PPP1R26: variants seen among roughly 807,000 people sequenced by gnomAD.
The protein encoded by PPP1R26 is 1A6/DRIM (down-regulated in metastasis) interacting protein.
PPP1R26 carries 22 observed loss-of-function variants against 67.6 expected under a neutral mutation model. The observed-to-expected ratio is 0.33, with a 90% CI of 0.23 to 0.46. The LOEUF is 0.46. Among genes scored for constraint, PPP1R26 ranks in the 20% least tolerant of loss-of-function variants. The pLI is 1.00. For synonymous variants in PPP1R26, 729 were observed against 717.2 expected, an observed-to-expected ratio of 1.02 and a Z score of -0.26; for missense variants, 1,602 against 1,651.4, an observed-to-expected ratio of 0.97 and a Z score of 0.52.
intron 1 of PPP1R26, among the ~76,000 whole-genome samples, chr9:135,482,067 A>G (rs1439440714): frequency 1.3e-5 from 2 of 152,114 alleles, no homozygotes; most frequent in East Asian, 3.8e-4. Context: ...CCCCTCCCCG[A>G]CCTTGTCATC....
At chr9:135,481,622 T>G (rs1291828212) in intron 1 of PPP1R26, among the ~76,000 whole-genome samples, 1 of 151,768 alleles carries the variant, frequency 6.6e-6, no homozygotes, top group Admixed American at 6.6e-5. Context: ...CCCCTCGATT[T>G]TTTTTTTTCT....
rs555917961 is a variant in PPP1R26, at chr9:135,483,989, G to A, written c.-156G>A. ...GGTCAAGAATGAACCTACGCATGAC[G>A]GCGTGCTGATCCTGGGTTTCTAGTC... On this transcript the variant is annotated 5_prime_UTR_variant, in exon 3 of 4. Transcript: ENST00000356818. 10 of 400,714 alleles carry A rather than the reference G, an allele frequency of 2.5e-5. No individual in the cohort carries two copies. The highest frequency in any genetic ancestry group is 4.0e-5 in the Non-Finnish European group (9 of 227,586). 24.8% of individuals were successfully genotyped at this position (400,714 alleles called of 1,614,324 possible). A position where few individuals can be genotyped will look rare whatever the true frequency, so the allele number is the denominator to read the frequency against.
Position 135,485,749 on chromosome 9 carries a change from T to C in PPP1R26, c.1239T>C (p.Ser413=), listed in dbSNP as rs1405444129. 6.2e-7 allele frequency: 1 copy of C among 1,610,708 alleles called. No homozygotes were observed. The highest frequency in any genetic ancestry group is 8.5e-7 in the Non-Finnish European group (1 of 1,179,958). ...PAHSTSSATK[S]ALPETHRKTP... The stretch of plus-strand genomic sequence containing the variant: ...ACAGCACAAGCAGTGCCACAAAAAG[T>C]GCCTTGCCCGAGACCCACAGGAAAA... The change falls in exon 4 of 4, where the codon AGT becomes AGC. Residue 413 remains serine (S), a synonymous_variant. Coordinates refer to ENST00000356818, the MANE Select transcript of PPP1R26 (RefSeq NM_014811.5). The surrounding 1 kb of genome is among the most constrained non-coding windows in gnomAD (Gnocchi z 7.2).
rs757693331 is a variant in PPP1R26, at chr9:135,486,931, G to T, written c.2421G>T (p.Gly807=). 6.2e-7 allele frequency: 1 copy of T among 1,613,052 alleles called. No individual in the cohort carries two copies. Among genetic ancestry groups the T allele is most frequent in the South Asian group, 1.1e-5 (1 of 91,090 alleles). The change falls in exon 4 of 4, where the codon GGG becomes GGT. Residue 807 remains glycine, a synonymous_variant. Transcript: ENST00000356818. The surrounding 1 kb of genome is among the most constrained non-coding windows in gnomAD (Gnocchi z 6.2). ...CCGCCTCCGCCTCTGCCTCCGAAGG[G>T]AATCCATTCCCCAGGGAGTCCCAGG... The part of the protein sequence containing the change: ...RRPASASASE[G]NPFPRESQGP...
Position 135,485,811 on chromosome 9 carries a change from T to G in PPP1R26, c.1301T>G (p.Met434Arg), listed in dbSNP as rs1808998. The change falls in exon 4 of 4, where the codon ATG (methionine) becomes AGG (arginine). Residue 434 changes from methionine (M) to arginine (R), a missense_variant. Physicochemically the swap from Met to Arg is moderately conservative, Grantham distance 91. This residue lies in a region of PPP1R26 where 680 missense variants were observed against 726.1 expected (regional missense o/e 0.94). Transcript: ENST00000356818. The surrounding 1 kb of genome is among the most constrained non-coding windows in gnomAD (Gnocchi z 7.2). ...AAGAAGCTAGTGGCCACCAAGACCA[T>G]GGACCCTGGTCCAGGGGGCCTGGAC... ...SKKKLVATKT[M>R]DPGPGGLDTD... 1.2e-6 allele frequency: 2 copies of G among 1,612,342 alleles called. No individual in the cohort carries two copies. Among genetic ancestry groups the G allele is most frequent in the Admixed American group, 3.3e-5 (2 of 59,932 alleles).
intron 2 of PPP1R26, among the ~76,000 whole-genome samples, chr9:135,483,128 T>C (rs1403138161): frequency 6.6e-6 from 1 of 152,014 alleles, no homozygotes; most frequent in Non-Finnish European, 1.5e-5. Context: ...TAGCTGGGAT[T>C]ACAGGCATGC....
Position 135,487,938 on chromosome 9 carries a change from C to T in PPP1R26, c.3428C>T (p.Pro1143Leu). ...TTGCTGGCAAAGAAGGACGGCGGCCCCTGGCCAACCAGGAAGGCACAGGCA... is the reference window on the plus strand; with the variant it reads ...TTGCTGGCAAAGAAGGACGGCGGCCTCTGGCCAACCAGGAAGGCACAGGCA... ...PHLLAKKDGG[P>L]WPTRKAQAGL... Residue 1143 changes from proline (P) to leucine (L), a missense_variant, in exon 4 of 4, where the codon CCC (proline) becomes CTC (leucine). Pro to Leu is a moderately conservative substitution (Grantham distance 98). Transcript: ENST00000356818. 1 of 1,587,220 alleles carries T rather than the reference C, an allele frequency of 6.3e-7. No homozygotes were observed. Among genetic ancestry groups the T allele is most frequent in the Non-Finnish European group, 8.6e-7 (1 of 1,167,810 alleles).
chr9:135,487,808 G>C lies in PPP1R26; in HGVS notation c.3298G>C (p.Ala1100Pro), dbSNP rs777881175. 2.1e-5 allele frequency: 34 copies of C among 1,585,280 alleles called. No homozygotes were observed. Among genetic ancestry groups the C allele is most frequent in the Non-Finnish European group, 2.7e-5 (32 of 1,169,154 alleles). The change falls in exon 4 of 4, where the codon GCT becomes CCT. Residue 1100 changes from alanine to proline, a missense_variant. Physicochemically the swap from Ala to Pro is conservative, Grantham distance 27 (BLOSUM62 -1). This residue lies in a region of PPP1R26 where 740 missense variants were observed against 696.3 expected (regional missense o/e 1.06). Coordinates refer to ENST00000356818, the MANE Select transcript of PPP1R26 (RefSeq NM_014811.5). ...GKGVSWGGRQ[A>P]GLFSPHLGLP... ...GGGTGTCTCCTGGGGGGGCAGGCAGGCTGGCCTCTTCAGCCCCCACCTGGG... is the reference window on the plus strand; with the variant it reads ...GGGTGTCTCCTGGGGGGGCAGGCAGCCTGGCCTCTTCAGCCCCCACCTGGG...
intron 3 of PPP1R26, 163 bp downstream of exon 3, chr9:135,484,245 A>G: frequency 3.9e-6 from 2 of 506,898 alleles, no homozygotes; most frequent in Non-Finnish European, 6.9e-6. Flanking sequence ...GAGCAGGTAA[A>G]TTGTTCCTTT....
chr9:135,485,994 T>G lies in PPP1R26; in HGVS notation c.1484T>G (p.Leu495Arg), dbSNP rs146459970. 50 of 1,613,224 alleles carry G rather than the reference T, an allele frequency of 3.1e-5. No individual in the cohort carries two copies. The highest frequency in any genetic ancestry group is 3.9e-5 in the Non-Finnish European group (46 of 1,180,034). ...EAILDISKTI[L>R]PAPVEGSDGS... Reference sequence around the variant, plus strand: ...ATCCTGGACATCTCCAAGACGATCCTGCCGGCCCCTGTAGAGGGCAGTGAC... The same window carrying G: ...ATCCTGGACATCTCCAAGACGATCCGGCCGGCCCCTGTAGAGGGCAGTGAC... Residue 495 changes from leucine (L) to arginine (R), a missense_variant, in exon 4 of 4, where the codon CTG becomes CGG. By Grantham distance (102) the Leu-to-Arg change is moderately radical. Around this residue, in one of 5 missense-constraint regions of PPP1R26, gnomAD observed 680 missense variants for 726.1 expected, o/e 0.94. Transcript: ENST00000356818. This position sits in a 1 kb window ranked among gnomAD's most constrained non-coding sequence, Gnocchi z 7.2.
At position 135,485,778 on chromosome 9, in the gene PPP1R26, C is replaced by T. The variant is rs1261109092; in HGVS notation, c.1268C>T (p.Pro423Leu). ...TTGCCCGAGACCCACAGGAAAACACCCAGCAAGAAGAAGCTAGTGGCCACC... is the reference window on the plus strand; with the variant it reads ...TTGCCCGAGACCCACAGGAAAACACTCAGCAAGAAGAAGCTAGTGGCCACC... ...SALPETHRKTPSKKKLVATKT... is the reference protein window; with the variant it reads ...SALPETHRKTLSKKKLVATKT... The change falls in exon 4 of 4, where the codon CCC (proline) becomes CTC (leucine). Residue 423 changes from proline to leucine, a missense_variant. This residue lies in a region of PPP1R26 where 680 missense variants were observed against 726.1 expected (regional missense o/e 0.94). Transcript: ENST00000356818. This position sits in a 1 kb window ranked among gnomAD's most constrained non-coding sequence, Gnocchi z 7.2. 6.2e-7 allele frequency: 1 copy of T among 1,612,224 alleles called. No individual in the cohort carries two copies. Among genetic ancestry groups the T allele is most frequent in the African/African-American group, 1.3e-5 (1 of 75,012 alleles).
At position 135,487,253 on chromosome 9, in the gene PPP1R26, G is replaced by A. The variant is rs775824257; in HGVS notation, c.2743G>A (p.Gly915Ser). The A allele has an allele frequency of 3.4e-5, 54 of 1,571,694 alleles. No homozygotes were observed. The highest frequency in any genetic ancestry group is 4.5e-5 in the Non-Finnish European group (52 of 1,160,202). Residue 915 changes from glycine to serine, a missense_variant, in exon 4 of 4, where the codon GGC (glycine) becomes AGC (serine). Around this residue, in one of 5 missense-constraint regions of PPP1R26, gnomAD observed 740 missense variants for 696.3 expected, o/e 1.06. Coordinates refer to ENST00000356818, the MANE Select transcript of PPP1R26 (RefSeq NM_014811.5). ...AGGCACAGAGAGCGCAGGAGCACAG[G>A]GCACAGCTGGTCTGTTCAGCCAGGG... Reference protein sequence around the residue: ...LRGTESAGAQGTAGLFSQGGK... With the variant: ...LRGTESAGAQSTAGLFSQGGK...
intron 1 of PPP1R26, among the ~76,000 whole-genome samples, chr9:135,481,998 A>G (rs1283928612): frequency 6.6e-6 from 1 of 152,206 alleles, no homozygotes; most frequent in Non-Finnish European, 1.5e-5. Context: ...CCTTCTCTGC[A>G]ACCAGTCAGA....
intron 2 of PPP1R26, among the ~76,000 whole-genome samples, 168 bp downstream of exon 2, chr9:135,482,983 C>CTTTTTTTTTTTTTTTT (rs1360229729): frequency 8.0e-6 from 1 of 125,774 alleles, no homozygotes; most frequent in Admixed American, 9.8e-5. Flanking sequence ...CTTTTTCTTT[C>CTTTTTTTTTTTTTTTT]TTTCTTTTTT....
Position 135,487,737 on chromosome 9 carries a change from C to A in PPP1R26, c.3227C>A (p.Ala1076Glu). ...CGGGGCCTGCCCAGCCTGCCCCTTG[C>A]GGGCTTCTCGCCGCTGCTGTCCACC... ...PARGLPSLPLAGFSPLLSTQL... is the reference protein window; with the variant it reads ...PARGLPSLPLEGFSPLLSTQL... The change falls in exon 4 of 4, where the codon GCG becomes GAG. Residue 1076 changes from alanine to glutamate, a missense_variant. Ala to Glu is a moderately radical substitution (Grantham distance 107). This residue lies in a region of PPP1R26 where 740 missense variants were observed against 696.3 expected (regional missense o/e 1.06). Transcript: ENST00000356818. 6.9e-7 allele frequency: 1 copy of A among 1,458,370 alleles called. No individual in the cohort carries two copies. Among genetic ancestry groups the A allele is most frequent in the Non-Finnish European group, 9.0e-7 (1 of 1,105,594 alleles). The allele number at this position is 1,458,370 out of a possible 1,614,324, so 90.3% of individuals were successfully genotyped here.
chr9:135,487,741 C>A lies in PPP1R26; in HGVS notation c.3231C>A (p.Gly1077=), dbSNP rs1212082441. ...ARGLPSLPLA[G]FSPLLSTQLF... ...GCCTGCCCAGCCTGCCCCTTGCGGG[C>A]TTCTCGCCGCTGCTGTCCACCCAGC... Residue 1077 remains glycine, a synonymous_variant, in exon 4 of 4, where the codon GGC becomes GGA. Transcript: ENST00000356818. The A allele has an allele frequency of 3.4e-6, 5 of 1,461,266 alleles. No individual in the cohort carries two copies. Among genetic ancestry groups the A allele is most frequent in the Non-Finnish European group, 4.5e-6 (5 of 1,107,068 alleles). The allele number at this position is 1,461,266 out of a possible 1,614,324, so 90.5% of individuals were successfully genotyped here.
At chr9:135,480,448 A>C (rs903545546) in intron 1 of PPP1R26, 6 of 152,182 alleles carry the variant, frequency 3.9e-5, no homozygotes, top group Admixed American at 1.3e-4. Flanking sequence ...CGGATCCCAG[A>C]AACATAACTC....
intron 1 of PPP1R26, among the ~76,000 whole-genome samples, chr9:135,481,640 A>T (rs1290145770): frequency 6.7e-6 from 1 of 150,332 alleles, no homozygotes; most frequent in Admixed American, 6.6e-5. Flanking sequence ...TCTTTCTGAG[A>T]TGGAGTCTCG....
At position 135,484,991 on chromosome 9, in the gene PPP1R26, C is replaced by T. The variant is rs1188203060; in HGVS notation, c.481C>T (p.Gln161Ter). ...GAGGAQPGAA[Q>*]PSRAAGGGSR... ...CGGCGGGGCCCAGCCAGGTGCAGCC[C>T]AGCCTTCCAGGGCCGCAGGCGGAGG... The change falls in exon 4 of 4, where the codon CAG (glutamine) becomes TAG (stop). Residue 161 changes from glutamine to a stop codon, truncating the protein, a stop_gained. Transcript: ENST00000356818. LOFTEE classifies it high-confidence loss of function. 1.9e-6 allele frequency: 3 copies of T among 1,583,900 alleles called. No homozygotes were observed. Among genetic ancestry groups the T allele is most frequent in the Non-Finnish European group, 2.6e-6 (3 of 1,166,282 alleles).
Sources: gnomAD v4.1 joint callset for allele counts (sites outside exome capture counted in the v4.1 genomes callset) on GRCh38, gnomAD v4.1.1 for gene constraint, gnomAD v4.1.1 regional missense constraint, Gnocchi (gnomAD v3.1) non-coding constraint, MANE v1.5 for transcripts, NCBI Gene and HGNC (gene_info 2026-07-23, HGNC 2026-07-21) for gene names.